The following RALGAPB variants were observed in gnomAD, a reference collection of about 807,000 sequenced individuals.
RALGAPB encodes the protein Ral GTPase activating protein non-catalytic subunit beta, also known as ral GTPase-activating protein subunit beta.
In RALGAPB, 25 loss-of-function variants were observed where a neutral mutation model predicts 161.1. The ratio of observed to expected loss-of-function variants is 0.16; its 90% CI spans 0.11 to 0.22. The LOEUF is 0.22. RALGAPB is among the 10% of genes least tolerant of loss of function. The pLI is 1.00. For synonymous variants in RALGAPB, 629 were observed against 626.1 expected, an observed-to-expected ratio of 1.00 and a Z score of -0.07; for missense variants, 1,391 against 1,815.2, an observed-to-expected ratio of 0.77 and a Z score of 4.25.
chr20:38,543,688 T>A (rs1233670728), intron 18 of RALGAPB, among the ~76,000 whole-genome samples: 9 of 152,230 alleles, frequency 5.9e-5, no homozygotes, highest in Admixed American at 5.9e-4. Flanking sequence ...GAACTAGCCA[T>A]GCTTATACCT....
At chr20:38,541,349 A>G (rs1600995080) in intron 18 of RALGAPB, among the ~76,000 whole-genome samples, 157 bp downstream of exon 18, 1 of 149,292 alleles carries the variant, frequency 6.7e-6, no homozygotes, top group East Asian at 2.0e-4. Flanking sequence ...GAAAATCTCT[A>G]TTTTTTTTTT....
chr20:38,503,909 G>A (rs2085671882), intron 5 of RALGAPB, among the ~76,000 whole-genome samples: 1 of 152,094 alleles, frequency 6.6e-6, no homozygotes, highest in African/African-American at 2.4e-5. Context: ...CCCTCCACCA[G>A]TGAAAAGATG....
chr20:38,475,828 G>C (rs1158811254), intron 1 of RALGAPB, among the ~76,000 whole-genome samples: 1 of 152,022 alleles, frequency 6.6e-6, no homozygotes. Context: ...TGTTGGCCAG[G>C]TTCATGTCGA....
At chr20:38,545,121 A>G (rs567393127) in intron 18 of RALGAPB, among the ~76,000 whole-genome samples, 1 of 152,314 alleles carries the variant, frequency 6.6e-6, no homozygotes, top group African/African-American at 2.4e-5. Flanking sequence ...TTTAATGAGC[A>G]TATCCTGTGT....
rs1027182399 is a variant in RALGAPB, at chr20:38,539,648, A to G, written c.2380-128A>G. Reference sequence around the variant, plus strand: ...AATAATCTGTTCCTGTATATAAATAATATAAAAAAGCAAGGCTTCCTGTAG... The same window carrying G: ...AATAATCTGTTCCTGTATATAAATAGTATAAAAAAGCAAGGCTTCCTGTAG... On this transcript the variant is annotated intron_variant, in intron 16 of 29. Coordinates refer to ENST00000262879, the MANE Select transcript of RALGAPB (RefSeq NM_020336.4). 14 of 754,802 alleles carry G rather than the reference A, an allele frequency of 1.9e-5. No homozygotes were observed. In the Admixed American group the frequency reaches 2.7e-4, roughly 15 times the overall value. 46.8% of individuals were successfully genotyped at this position (754,802 alleles called of 1,614,324 possible). A position where few individuals can be genotyped will look rare whatever the true frequency, so the allele number is the denominator to read the frequency against.
At chr20:38,559,246 C>A (rs919035291) in intron 23 of RALGAPB, among the ~76,000 whole-genome samples, 1 of 152,252 alleles carries the variant, frequency 6.6e-6, no homozygotes. Context: ...TATGGAACAT[C>A]TTCCCTGTGG....
intron 6 of RALGAPB, among the ~76,000 whole-genome samples, chr20:38,513,283 C>A (rs190616101): frequency 6.6e-6 from 1 of 151,794 alleles, no homozygotes; most frequent in Non-Finnish European, 1.5e-5. Context: ...GTGGGCGGAT[C>A]CCTTGAAGTC....
In RALGAPB at chr20:38,499,495, A is replaced by G; in HGVS notation, c.602A>G (p.Glu201Gly). 6.2e-7 allele frequency: 1 copy of G among 1,613,104 alleles called. No homozygotes were observed. The highest frequency in any genetic ancestry group is 8.5e-7 in the Non-Finnish European group (1 of 1,179,604). Residue 201 changes from glutamate (E) to glycine (G), a missense_variant, in exon 5 of 30, where the codon GAG (glutamate) becomes GGG (glycine). Physicochemically the swap from Glu to Gly is moderately conservative, Grantham distance 98. This residue lies in a region of RALGAPB where 946 missense variants were observed against 1,257.2 expected (regional missense o/e 0.75). Coordinates refer to ENST00000262879, the MANE Select transcript of RALGAPB (RefSeq NM_020336.4). ...LAEKLIGVLF[E>G]VWLLACTRCF... ...GAGAAGTTGATTGGTGTTCTCTTTG[A>G]GGTGTGGTTACTAGCTTGTACTCGG...
Position 38,494,875 on chromosome 20 carries a change from A to T in RALGAPB, c.389+1743A>T, listed in dbSNP as rs1421448008. On this transcript the variant is annotated intron_variant, in intron 3 of 29. Transcript: ENST00000262879. ...AGTTAATTTGTATTGATGAAAAAAA[A>T]TTAATGGCATTTGAGTTAATTAGGC... 2.6e-5 allele frequency among the ~76,000 whole-genome samples: 4 copies of T among 152,314 alleles called. No individual in the cohort carries two copies. In the South Asian group the frequency reaches 8.3e-4, roughly 32 times the overall value.
At chr20:38,546,734 C>T (rs924691479) in intron 19 of RALGAPB, 10 of 313,296 alleles carry the variant, frequency 3.2e-5, no homozygotes, top group Non-Finnish European at 6.1e-5. Context: ...CCTTGAACTT[C>T]GGATCCTGCC....
chr20:38,484,618 A>G (rs1475016772), intron 1 of RALGAPB, among the ~76,000 whole-genome samples: 3 of 152,042 alleles, frequency 2.0e-5, no homozygotes, highest in Non-Finnish European at 4.4e-5. Context: ...AAATGTCCAG[A>G]TTTTCTGTGT....
Position 38,488,576 on chromosome 20 carries a change from T to G in RALGAPB, c.144T>G (p.Pro48=). The G allele has an allele frequency of 6.2e-7, 1 of 1,614,078 alleles. No individual in the cohort carries two copies. The highest frequency in any genetic ancestry group is 8.5e-7 in the Non-Finnish European group (1 of 1,179,976). Residue 48 remains proline, a synonymous_variant, in exon 2 of 30, where the codon CCT becomes CCG. Coordinates refer to ENST00000262879, the MANE Select transcript of RALGAPB (RefSeq NM_020336.4). ...VRPLGQVLGT[P]SVAGSENLLK... is the part of the protein sequence containing the mutation. ...CTCTTGGGCAGGTGTTAGGTACCCC[T>G]TCAGTGGCTGGTAGTGAGAATTTGT...
At chr20:38,511,103 T>TG (rs1411054203) in intron 6 of RALGAPB, among the ~76,000 whole-genome samples, 2 of 152,010 alleles carry the variant, frequency 1.3e-5, no homozygotes, top group Non-Finnish European at 2.9e-5. Flanking sequence ...GAAAATTTTG[T>TG]GGGAGGGTTT....
At chr20:38,481,849 A>G (rs2084980329) in intron 1 of RALGAPB, among the ~76,000 whole-genome samples, 1 of 152,364 alleles carries the variant, frequency 6.6e-6, no homozygotes, top group South Asian at 2.1e-4. Context: ...GAATGTTCAT[A>G]TGTATAGTCA....
At chr20:38,530,586 AT>A in intron 13 of RALGAPB, among the ~76,000 whole-genome samples, 1 of 146,274 alleles carries the variant, frequency 6.8e-6, no homozygotes, top group African/African-American at 2.5e-5. Context: ...TTTTTTAAAT[AT>A]TTCTTTTCTT....
intron 12 of RALGAPB, 118 bp downstream of exon 12, chr20:38,525,636 C>A: frequency 1.1e-6 from 1 of 904,072 alleles, no homozygotes; most frequent in Non-Finnish European, 1.7e-6. Context: ...CAAGTTATTT[C>A]ATCAAGTTAT....
chr20:38,493,256 A>G (rs2085327998), intron 3 of RALGAPB, 124 bp downstream of exon 3: 5 of 755,708 alleles, frequency 6.6e-6, no homozygotes, highest in Non-Finnish European at 1.1e-5. Context: ...GTGTTCAGTT[A>G]AAGATTGTAT....
intron 5 of RALGAPB, among the ~76,000 whole-genome samples, chr20:38,501,104 G>A (rs1483340941): frequency 6.6e-6 from 1 of 152,188 alleles, no homozygotes; most frequent in Non-Finnish European, 1.5e-5. Flanking sequence ...GATCATTGAC[G>A]AAGGTGGCCT....
At chr20:38,510,210 G>A (rs1016814389) in intron 6 of RALGAPB, among the ~76,000 whole-genome samples, 6 of 151,370 alleles carry the variant, frequency 4.0e-5, no homozygotes, top group East Asian at 1.9e-4. Context: ...GTCTTCCTAC[G>A]TTGCCCAGGC....
Sources: gnomAD v4.1 joint callset for allele counts (sites outside exome capture counted in the v4.1 genomes callset) on GRCh38, gnomAD v4.1.1 for gene constraint, gnomAD v4.1.1 regional missense constraint, MANE v1.5 for transcripts, NCBI Gene and HGNC (gene_info 2026-07-23, HGNC 2026-07-21) for gene names.